The following PLCH2 variants were observed in gnomAD, a reference collection of about 807,000 sequenced individuals.
PLCH2 encodes 1-phosphatidylinositol 4,5-bisphosphate phosphodiesterase eta-2.
In PLCH2, 98 loss-of-function variants were observed where a neutral mutation model predicts 134.7. The ratio of observed to expected loss-of-function variants is 0.73; its 90% CI spans 0.62 to 0.86. PLCH2 has a LOEUF of 0.86. Among genes scored for constraint, PLCH2 ranks in the 40% least tolerant of loss-of-function variants. The pLI, the probability that PLCH2 is intolerant of heterozygous loss-of-function variation, is 0.00. For synonymous variants in PLCH2, 974 were observed against 827.5 expected (o/e 1.18, Z -3.04); for missense variants, 1,994 against 1,986.6 (o/e 1.00, Z -0.07).
intron 2 of PLCH2, among the ~76,000 whole-genome samples, chr1:2,457,753 C>T (rs1282471665): frequency 6.6e-6 from 1 of 152,064 alleles, no homozygotes; most frequent in African/African-American, 2.4e-5. Flanking sequence ...CCCTGGTACC[C>T]ACAGCCTCGT....
chr1:2,434,234 C>T (rs1570230945), intron 2 of PLCH2, among the ~76,000 whole-genome samples: 2 of 152,200 alleles, frequency 1.3e-5, no homozygotes, highest in South Asian at 2.1e-4. Flanking sequence ...GGGCAGGGGG[C>T]ACCGCGCCTT....
At position 2,430,564 on chromosome 1, in the gene PLCH2, C is replaced by T. The variant is rs559729339; in HGVS notation, c.50C>T (p.Pro17Leu). 238 of 152,388 alleles carry T rather than the reference C, an allele frequency of 1.6e-3. 2 individuals are homozygous for T. The highest frequency in any genetic ancestry group is 1.3e-3 in the Non-Finnish European group (87 of 68,080). The allele number at this position is 152,388 out of a possible 1,614,324, so 9.4% of individuals were successfully genotyped here. A position where few individuals can be genotyped will look rare whatever the true frequency, so the allele number is the denominator to read the frequency against. Residue 17 changes from proline to leucine, a missense_variant, in exon 2 of 4, where the codon CCT becomes CTT. Transcript: ENST00000609981. ...CCCCTTCCTGGCCCAGCTCTTCCGC[C>T]TGAGGACCCAGGGCCGGATCCGGAG...
intron 1 of PLCH2, among the ~76,000 whole-genome samples, chr1:2,471,158 C>G (rs1641306273): frequency 6.6e-6 from 1 of 152,174 alleles, no homozygotes; most frequent in East Asian, 1.9e-4. Flanking sequence ...TGGGCTGCCA[C>G]CAGCTGGGGA....
rs569794480 is a variant in PLCH2 at position 2,483,873 on chromosome 1, G to A, written c.646-575G>A. On this transcript the variant is annotated intron_variant, in intron 4 of 21. Transcript: ENST00000378486. ...CCCGTGTGGGGTGGCGCTGACCCCC[G>A]TGTGGGTGGCGCTGACTCCCGTGTG... Among the ~76,000 whole-genome samples the A allele has an allele frequency of 3.5e-5, 4 of 115,298 alleles. 1 individual carries two copies. Among genetic ancestry groups the A allele is most frequent in the African/African-American group, 9.3e-5 (3 of 32,320 alleles). 75.6% of individuals were successfully genotyped at this position (115,298 alleles called of 152,430 possible). A position where few individuals can be genotyped will look rare whatever the true frequency, so the allele number is the denominator to read the frequency against.
chr1:2,451,315 C>A (rs1214705909), intron 2 of PLCH2, among the ~76,000 whole-genome samples: 1 of 152,224 alleles, frequency 6.6e-6, no homozygotes, highest in Non-Finnish European at 1.5e-5. Context: ...TCCCCGGCCC[C>A]CGAAGATCAT....
At chr1:2,442,320 G>A (rs1429531672) in intron 2 of PLCH2, among the ~76,000 whole-genome samples, 2 of 152,158 alleles carry the variant, frequency 1.3e-5, no homozygotes, top group Non-Finnish European at 2.9e-5. Context: ...TGTGTCTTCT[G>A]TCTCCTCTTC....
upstream of PLCH2, among the ~76,000 whole-genome samples, chr1:2,463,926 G>A (rs531406215): frequency 6.6e-6 from 1 of 152,368 alleles, no homozygotes; most frequent in South Asian, 2.1e-4. Context: ...GCAGAGTCAG[G>A]GTGTGAACTG....
In PLCH2 at chr1:2,486,925, G is replaced by C; in HGVS notation, c.835G>C (p.Glu279Gln). ...VEQKMAGVTLESCQDIIEQFE... is the reference protein window; with the variant it reads ...VEQKMAGVTLQSCQDIIEQFE... ...GGCCTAGATGGCGGGTGTGACCCTCGAGAGCTGCCAGGACATCATCGAGCA... is the reference window on the plus strand; with the variant it reads ...GGCCTAGATGGCGGGTGTGACCCTCCAGAGCTGCCAGGACATCATCGAGCA... Residue 279 changes from glutamate to glutamine, a missense_variant, in exon 6 of 22, where the codon GAG becomes CAG. Glu to Gln is a conservative substitution (Grantham distance 29). Around this residue, in one of 2 missense-constraint regions of PLCH2, gnomAD observed 1,094 missense variants for 1,234.3 expected, o/e 0.89. Transcript: ENST00000378486. 1.2e-6 allele frequency: 2 copies of C among 1,607,080 alleles called. No individual in the cohort carries two copies. The highest frequency in any genetic ancestry group is 8.5e-7 in the Non-Finnish European group (1 of 1,177,024).
At chr1:2,490,497 C>T (rs1642515077) in intron 10 of PLCH2, among the ~76,000 whole-genome samples, 1 of 121,362 alleles carries the variant, frequency 8.2e-6, no homozygotes, top group Non-Finnish European at 1.8e-5. Context: ...ATCTCCTCTC[C>T]TCTGGACACT....
At chr1:2,487,902 A>G (rs1470654227) in intron 8 of PLCH2, among the ~76,000 whole-genome samples, 184 bp downstream of exon 8, 1 of 152,154 alleles carries the variant, frequency 6.6e-6, no homozygotes, top group Non-Finnish European at 1.5e-5. Flanking sequence ...GTATGGCCGC[A>G]GGTCTAGGCA....
At position 2,476,427 on chromosome 1, in the gene PLCH2, C is replaced by T. The variant is rs1427834027; in HGVS notation, c.-162C>T. 9 of 679,778 alleles carry T rather than the reference C, an allele frequency of 1.3e-5. No homozygotes were observed. The East Asian group carries it at 2.7e-4, about 20-fold the overall frequency. The allele number at this position is 679,778 out of a possible 1,614,324, so 42.1% of individuals were successfully genotyped here. The stretch of plus-strand genomic sequence containing the variant: ...ATGCCAGCCGGGCCTGGGCACAGCC[C>T]TGTGGGGGCTTCGGAGGGCCCTGAG... On this transcript the variant is annotated 5_prime_UTR_variant, in exon 1 of 22. Transcript: ENST00000378486.
intron 2 of PLCH2, among the ~76,000 whole-genome samples, chr1:2,446,708 G>A (rs963002369): frequency 6.6e-6 from 1 of 152,228 alleles, no homozygotes; most frequent in African/African-American, 2.4e-5. Flanking sequence ...GCCCAGCTGA[G>A]AGCTGGCCAA....
chr1:2,429,672 A>G (rs1025932457), intron 1 of PLCH2, among the ~76,000 whole-genome samples: 9 of 152,148 alleles, frequency 5.9e-5, no homozygotes, highest in Non-Finnish European at 4.4e-5. Context: ...AGGGGCCTTG[A>G]TTCACTGCAT....
intron 2 of PLCH2, among the ~76,000 whole-genome samples, chr1:2,478,876 A>G (rs1469437496): frequency 1.3e-5 from 2 of 151,780 alleles, no homozygotes; most frequent in Admixed American, 1.3e-4. Context: ...CCCTGTGCTG[A>G]GTGCTGGGCT....
intron 21 of PLCH2, chr1:2,503,563 C>T: frequency 1.5e-6 from 1 of 678,198 alleles, no homozygotes; most frequent in Non-Finnish European, 2.7e-6. Flanking sequence ...CCTGCCCCTC[C>T]AGACCCCCCT....
At chr1:2,462,424 A>ACCTGACACCCCTCTG (rs1402942256) in intron 2 of PLCH2, among the ~76,000 whole-genome samples, 1 of 80,728 alleles carries the variant, frequency 1.2e-5, no homozygotes, top group African/African-American at 5.1e-5. Flanking sequence ...ACACCCCTCC[A>ACCTGACACCCCTCTG]CCTGACACCC....
In PLCH2 at chr1:2,476,350, G is replaced by C. The variant is rs1472900018; in HGVS notation, c.-239G>C. ...CAGGGATTCCTTGGTGGCCCTGGAGGGTGGATAGGCTGGCCTGGGGGCCAT... is the reference window on the plus strand; with the variant it reads ...CAGGGATTCCTTGGTGGCCCTGGAGCGTGGATAGGCTGGCCTGGGGGCCAT... On this transcript the variant is annotated 5_prime_UTR_variant, in exon 1 of 22. Coordinates refer to ENST00000378486, the MANE Select transcript of PLCH2 (RefSeq NM_014638.4). 2 of 434,914 alleles carry C rather than the reference G, an allele frequency of 4.6e-6. No homozygotes were observed. Among genetic ancestry groups the C allele is most frequent in the Admixed American group, 4.0e-5 (1 of 24,842 alleles). The allele number at this position is 434,914 out of a possible 1,614,324, so 26.9% of individuals were successfully genotyped here. A position where few individuals can be genotyped will look rare whatever the true frequency, so the allele number is the denominator to read the frequency against.
intron 2 of PLCH2, among the ~76,000 whole-genome samples, chr1:2,458,169 A>C (rs1380623401): frequency 6.6e-6 from 1 of 151,880 alleles, no homozygotes; most frequent in Non-Finnish European, 1.5e-5. Flanking sequence ...CTGGGTGGGG[A>C]CTCAGGGCAG....
chr1:2,437,220 G>A (rs562457163), intron 2 of PLCH2, among the ~76,000 whole-genome samples: 1 of 152,162 alleles, frequency 6.6e-6, no homozygotes, highest in African/African-American at 2.4e-5. Flanking sequence ...GTTATGGCCC[G>A]GGGTCACTCT....
Sources: allele counts gnomAD v4.1 joint callset (sites outside exome capture counted in the v4.1 genomes callset), GRCh38; gene constraint gnomAD v4.1.1; regional missense constraint gnomAD v4.1.1; transcripts MANE v1.5; gene names NCBI Gene and HGNC (gene_info 2026-07-23, HGNC 2026-07-21).